The following COMMD1 variants were observed in gnomAD, a reference collection of about 807,000 sequenced individuals.
COMMD1 encodes COMM domain-containing protein 1.
Under a neutral mutation model 17.2 loss-of-function variants are expected in COMMD1, and 10 were observed. The ratio of observed to expected loss-of-function variants is 0.58; its 90% CI spans 0.36 to 0.99. The LOEUF is 0.99. COMMD1 is among the 50% of genes least tolerant of loss of function. The pLI is 0.01. For missense variants in COMMD1, 270 were observed against 231.8 expected (o/e 1.17, Z -1.07); for synonymous variants, 97 against 91.6 (o/e 1.06, Z -0.34).
intron 1 of COMMD1, among the ~76,000 whole-genome samples, chr2:61,940,826 A>G (rs554114224): frequency 2.3e-4 from 35 of 151,380 alleles, no homozygotes; most frequent in African/African-American, 8.3e-4. Context: ...AGCTAGGACT[A>G]CAGGCGCCTG....
chr2:62,036,458 T>C (rs887632335), intron 2 of COMMD1, among the ~76,000 whole-genome samples: 2 of 152,236 alleles, frequency 1.3e-5, no homozygotes, highest in African/African-American at 4.8e-5. Context: ...GCTGTTCTTT[T>C]TGAAGACCAC....
intron 2 of COMMD1, among the ~76,000 whole-genome samples, chr2:62,059,200 A>G (rs1670789068): frequency 1.3e-5 from 2 of 151,950 alleles, no homozygotes; most frequent in Admixed American, 1.3e-4. Flanking sequence ...TTTGTCACCT[A>G]ACAGGAGTGC....
At chr2:62,004,148 A>AG (rs1206763805) in intron 2 of COMMD1, among the ~76,000 whole-genome samples, 1 of 152,154 alleles carries the variant, frequency 6.6e-6, no homozygotes, top group Non-Finnish European at 1.5e-5. Flanking sequence ...AAAAAGAAAA[A>AG]GAAAAAAAGT....
chr2:61,993,666 G>A (rs1668658823), intron 1 of COMMD1, among the ~76,000 whole-genome samples: 1 of 152,168 alleles, frequency 6.6e-6, no homozygotes, highest in East Asian at 1.9e-4. Flanking sequence ...TTTTATGGTA[G>A]CTATTCAAAT....
In COMMD1 at chr2:62,135,458, C is replaced by T. The variant is rs142160829; in HGVS notation, c.463-373C>T. ...CTCCGACTTTCGGGTTCACGCCATTCTCCTGCCTCAGCCTCCTGAGTAGCT... is the reference window on the plus strand; with the variant it reads ...CTCCGACTTTCGGGTTCACGCCATTTTCCTGCCTCAGCCTCCTGAGTAGCT... On this transcript the variant is annotated intron_variant, in intron 2 of 2. Transcript: ENST00000311832. Among the ~76,000 whole-genome samples, 610 of 152,126 alleles carry T rather than the reference C, an allele frequency of 4.0e-3. 3 individuals carry two copies. The highest frequency in any genetic ancestry group is 0.014 in the African/African-American group (579 of 41,496).
chr2:61,943,659 A>C (rs563823867), intron 1 of COMMD1, among the ~76,000 whole-genome samples: 1 of 152,210 alleles, frequency 6.6e-6, no homozygotes, highest in Non-Finnish European at 1.5e-5. Flanking sequence ...ATATGGTGAA[A>C]ACCCGTCTCT....
intron 2 of COMMD1, among the ~76,000 whole-genome samples, chr2:62,025,994 A>G (rs1480750324): frequency 1.3e-5 from 2 of 152,102 alleles, no homozygotes; most frequent in Admixed American, 6.6e-5. Flanking sequence ...GTGCCTGGCC[A>G]GGATACACTG....
intron 1 of COMMD1, among the ~76,000 whole-genome samples, chr2:61,927,909 C>T (rs970860008): frequency 5.3e-5 from 8 of 152,044 alleles, no homozygotes; most frequent in Admixed American, 3.3e-4. Context: ...GGATTACAGG[C>T]GCATGCCACC....
chr2:61,915,570 G>A, intron 1 of COMMD1: 1 of 335,012 alleles, frequency 3.0e-6, no homozygotes. Flanking sequence ...CTCACTTGCA[G>A]CCTTGACCTC....
intron 1 of COMMD1, among the ~76,000 whole-genome samples, chr2:61,909,853 A>T (rs4672468): frequency 6.6e-6 from 1 of 152,110 alleles, no homozygotes; most frequent in Non-Finnish European, 1.5e-5. Context: ...AACTGCCTGG[A>T]AATATATTTC....
chr2:61,930,656 T>TGA (rs1553369159), intron 1 of COMMD1, among the ~76,000 whole-genome samples: 2 of 148,332 alleles, frequency 1.3e-5, no homozygotes, highest in East Asian at 3.9e-4. Context: ...TGTGTGTGTG[T>TGA]GAGTGAGTGT....
chr2:61,912,624 AC>A (rs1341109019), intron 1 of COMMD1, among the ~76,000 whole-genome samples: 1 of 151,836 alleles, frequency 6.6e-6, no homozygotes, highest in East Asian at 1.9e-4. Context: ...AGTCCCAGCT[AC>A]TCAGGAGGCT....
intron 1 of COMMD1, among the ~76,000 whole-genome samples, chr2:61,976,528 G>A (rs1420757260): frequency 1.3e-5 from 2 of 152,268 alleles, no homozygotes; most frequent in East Asian, 1.9e-4. Flanking sequence ...AAAACTGATA[G>A]AACTGCAAGG....
At chr2:62,131,013 A>G (rs1161219504) in intron 2 of COMMD1, among the ~76,000 whole-genome samples, 3 of 152,218 alleles carry the variant, frequency 2.0e-5, no homozygotes, top group African/African-American at 4.8e-5. Flanking sequence ...GAAGGAGTTC[A>G]TTAGGAATAT....
intron 1 of COMMD1, among the ~76,000 whole-genome samples, chr2:61,958,533 C>G (rs968101128): frequency 1.3e-5 from 2 of 152,120 alleles, no homozygotes; most frequent in African/African-American, 4.8e-5. Context: ...TCCCAAAGTG[C>G]TGGGATTACA....
chr2:61,890,048 TCCTATGACCA>T (rs1465009162), intron 1 of COMMD1, among the ~76,000 whole-genome samples: 1 of 152,198 alleles, frequency 6.6e-6, no homozygotes, highest in Non-Finnish European at 1.5e-5. Flanking sequence ...ACTGCTGGTC[TCCTATGACCA>T]CTATATTTCA....
chr2:62,030,069 C>T (rs1305848801), intron 2 of COMMD1, among the ~76,000 whole-genome samples: 1 of 152,218 alleles, frequency 6.6e-6, no homozygotes, highest in Non-Finnish European at 1.5e-5. Flanking sequence ...TGCTAATAGA[C>T]TTAATGGGGA....
intron 2 of COMMD1, among the ~76,000 whole-genome samples, chr2:62,083,968 A>T (rs952878433): frequency 6.6e-6 from 1 of 152,218 alleles, no homozygotes; most frequent in Admixed American, 6.5e-5. Flanking sequence ...CTGATTGGCT[A>T]CTGAAATTCT....
chr2:61,944,992 T>C (rs527614402), intron 1 of COMMD1, among the ~76,000 whole-genome samples: 66 of 152,306 alleles, frequency 4.3e-4, no homozygotes, highest in Non-Finnish European at 8.2e-4. Context: ...GGAGGCCTTG[T>C]TCCCCATAAT....
Sources: gnomAD v4.1 joint callset for allele counts (sites outside exome capture counted in the v4.1 genomes callset) on GRCh38, gnomAD v4.1.1 for gene constraint, MANE v1.5 for transcripts, NCBI Gene and HGNC (gene_info 2026-07-23, HGNC 2026-07-21) for gene names.